NAV2: variants seen among roughly 807,000 people sequenced by gnomAD.
NAV2 encodes the protein neuron navigator 2.
A neutral mutation model predicts 223.2 loss-of-function variants in NAV2; 54 were observed. The observed-to-expected ratio is 0.24, with a 90% CI of 0.19 to 0.30. The LOEUF (loss-of-function observed/expected upper bound fraction) is 0.30. NAV2 is among the 10% of genes least tolerant of loss of function. NAV2 has a pLI of 1.00. For missense variants in NAV2, 2,806 were observed against 3,147.5 expected (o/e 0.89, Z 2.60); for synonymous variants, 1,279 against 1,239.3 (o/e 1.03, Z -0.67).
In NAV2 at chr11:19,635,852, A is replaced by G. The variant is rs1406557999; in HGVS notation, c.76-196632A>G. Among the ~76,000 whole-genome samples the G allele has an allele frequency of 2.0e-5, 3 of 152,314 alleles. No homozygotes were observed. The East Asian group carries it at 5.8e-4, about 29-fold the overall frequency. ...GCATGAGTTTTGGTGGGGACAAACC[A>G]CATCCAAACCATAGCACAGGCCATC... is the stretch of plus-strand genomic sequence containing the variant. On this transcript the variant is annotated intron_variant, in intron 1 of 37. Transcript: ENST00000360655.
intron 22 of NAV2, among the ~76,000 whole-genome samples, chr11:20,069,194 C>A (rs2059238264): frequency 6.6e-6 from 1 of 151,988 alleles, no homozygotes; most frequent in Non-Finnish European, 1.5e-5. Flanking sequence ...GGGGAGAATG[C>A]ATAGGGATGA....
At chr11:19,914,147 T>G (rs1490197099) in intron 6 of NAV2, among the ~76,000 whole-genome samples, 1 of 152,244 alleles carries the variant, frequency 6.6e-6, no homozygotes, top group Non-Finnish European at 1.5e-5. Flanking sequence ...ATGAGAACTT[T>G]TCTTTTTTCC....
At chr11:19,811,344 T>G (rs1305302408) in intron 1 of NAV2, among the ~76,000 whole-genome samples, 2 of 151,888 alleles carry the variant, frequency 1.3e-5, no homozygotes, top group Admixed American at 6.6e-5. Flanking sequence ...CCATTTAGAG[T>G]GTCACCCAGG....
chr11:20,033,631 C>T (rs2056019457), intron 11 of NAV2, among the ~76,000 whole-genome samples: 1 of 152,182 alleles, frequency 6.6e-6, no homozygotes, highest in Non-Finnish European at 1.5e-5. Flanking sequence ...CACCTTGGGA[C>T]CACCCTCACA....
intron 1 of NAV2, among the ~76,000 whole-genome samples, chr11:19,404,426 C>T (rs183791848): frequency 5.1e-4 from 77 of 152,230 alleles, no homozygotes; most frequent in African/African-American, 8.4e-4. Context: ...TGCCTCACTG[C>T]GAATAAGCAT....
intron 5 of NAV2, among the ~76,000 whole-genome samples, chr11:19,886,513 C>A (rs1283775752): frequency 3.3e-5 from 5 of 152,202 alleles, no homozygotes; most frequent in Admixed American, 3.3e-4. Context: ...GAGTGGAAAC[C>A]CACTGCTCTG....
chr11:19,914,449 C>T (rs1022244429), intron 6 of NAV2, among the ~76,000 whole-genome samples: 4 of 152,156 alleles, frequency 2.6e-5, no homozygotes, highest in African/African-American at 9.7e-5. Flanking sequence ...AGGCTTTGGG[C>T]ATTGTGGACT....
rs556694516 is a variant in NAV2, at chr11:19,537,668, C to T, written c.75+186641C>T. On this transcript the variant is annotated intron_variant, in intron 1 of 37. Coordinates refer to the NAV2 transcript ENST00000360655. ...CTCTTAAGTGTATTCTAGATATGGT[C>T]GCCTTTACTATCCACTTCCAGACTG... Among the ~76,000 whole-genome samples, 18 of 152,316 alleles carry T rather than the reference C, an allele frequency of 1.2e-4. No homozygotes were observed. The South Asian group carries it at 2.9e-3, about 25-fold the overall frequency.
intron 1 of NAV2, among the ~76,000 whole-genome samples, chr11:19,760,239 C>A (rs1180742710): frequency 6.6e-6 from 1 of 152,130 alleles, no homozygotes; most frequent in African/African-American, 2.4e-5. Flanking sequence ...GAGAATGAGA[C>A]CCTCTGTCTA....
intron 1 of NAV2, among the ~76,000 whole-genome samples, chr11:19,365,559 C>T (rs1848249469): frequency 1.3e-5 from 2 of 152,186 alleles, no homozygotes; most frequent in Non-Finnish European, 1.5e-5. Context: ...CAAGTATCTA[C>T]TAGACAGGAA....
chr11:19,632,414 G>A (rs1181033547), intron 1 of NAV2, among the ~76,000 whole-genome samples: 2 of 152,056 alleles, frequency 1.3e-5, no homozygotes, highest in South Asian at 2.1e-4. Flanking sequence ...GTTCATGTCT[G>A]CGCTTTGCAA....
At chr11:19,466,017 G>A (rs1172736916) in intron 1 of NAV2, among the ~76,000 whole-genome samples, 2 of 152,218 alleles carry the variant, frequency 1.3e-5, no homozygotes, top group Admixed American at 1.3e-4. Context: ...ATACATGAAT[G>A]TGTTTCATTA....
intron 36 of NAV2, among the ~76,000 whole-genome samples, chr11:20,110,115 G>A (rs2062499328): frequency 6.6e-6 from 1 of 152,260 alleles, no homozygotes; most frequent in South Asian, 2.1e-4. Flanking sequence ...GCAGGGAGCA[G>A]AGACATGCTC....
At chr11:20,084,186 T>C (rs1391146434) in intron 26 of NAV2, among the ~76,000 whole-genome samples, 4 of 152,178 alleles carry the variant, frequency 2.6e-5, no homozygotes, top group Non-Finnish European at 5.9e-5. Flanking sequence ...CAACTTCTGC[T>C]GCCCAGGTGC....
intron 1 of NAV2, among the ~76,000 whole-genome samples, chr11:19,662,124 T>TA (rs1195352853): frequency 2.6e-5 from 4 of 152,180 alleles, no homozygotes; most frequent in Non-Finnish European, 5.9e-5. Context: ...AAATTCTTTT[T>TA]AAAAATGTGT....
At chr11:19,760,276 T>G (rs1358864705) in intron 1 of NAV2, among the ~76,000 whole-genome samples, 1 of 152,110 alleles carries the variant, frequency 6.6e-6, no homozygotes, top group Non-Finnish European at 1.5e-5. Flanking sequence ...ACCCTGTCCT[T>G]TACCCCATTC....
chr11:19,660,679 C>A (rs1489725152), intron 1 of NAV2, among the ~76,000 whole-genome samples: 1 of 152,120 alleles, frequency 6.6e-6, no homozygotes, highest in Non-Finnish European at 1.5e-5. Flanking sequence ...AGATATAGTA[C>A]AAAAGTAACA....
chr11:20,076,760 C>CT (rs1055985518), intron 22 of NAV2, among the ~76,000 whole-genome samples: 6 of 152,242 alleles, frequency 3.9e-5, no homozygotes, highest in African/African-American at 9.6e-5. Flanking sequence ...TAAACTTACT[C>CT]TTTTTTTGTA....
chr11:19,582,306 T>G (rs756856136), intron 1 of NAV2, among the ~76,000 whole-genome samples: 5 of 152,198 alleles, frequency 3.3e-5, no homozygotes, highest in Admixed American at 2.6e-4. Flanking sequence ...TTTCTCCCAT[T>G]CTGTAGGTTG....
Sources: allele counts gnomAD v4.1 joint callset (sites outside exome capture counted in the v4.1 genomes callset), GRCh38; gene constraint gnomAD v4.1.1; transcripts MANE v1.5; gene names NCBI Gene and HGNC (gene_info 2026-07-23, HGNC 2026-07-21).